The following DPYSL3 variants were observed in gnomAD, a reference collection of about 807,000 sequenced individuals.
DPYSL3 encodes dihydropyrimidinase like 3.
DPYSL3 carries 16 observed loss-of-function variants against 66.1 expected under a neutral mutation model. The ratio of observed to expected loss-of-function variants is 0.24; its 90% CI spans 0.16 to 0.37. The LOEUF is 0.37. Among genes scored for constraint, DPYSL3 ranks in the 10% least tolerant of loss-of-function variants. DPYSL3 has a pLI of 1.00. For missense variants in DPYSL3, 738 were observed against 916.2 expected (o/e 0.81, Z 2.51); for synonymous variants, 338 against 345.1 (o/e 0.98, Z 0.23).
intron 1 of DPYSL3, among the ~76,000 whole-genome samples, chr5:147,483,452 T>C (rs1753281116): frequency 6.6e-6 from 1 of 152,220 alleles, no homozygotes; most frequent in South Asian, 2.1e-4. Context: ...TTGACGTCCA[T>C]TCATTCACTA....
chr5:147,402,277 T>A (rs1758204479), intron 8 of DPYSL3, among the ~76,000 whole-genome samples: 1 of 152,134 alleles, frequency 6.6e-6, no homozygotes, highest in Admixed American at 6.5e-5. Context: ...GATGCTCCCA[T>A]TATAATGATA....
At position 147,509,453 on chromosome 5, in the gene DPYSL3, G is replaced by A. The variant is rs540923812; in HGVS notation, c.381+25C>T. ...CTGGAGAAAGGAACGAAGGCAAGGA[G>A]GGAAGTGACCCGGGGCCCCCTTACC... On this transcript the variant is annotated intron_variant, in intron 1 of 13. Coordinates refer to ENST00000343218, the MANE Select transcript of DPYSL3 (RefSeq NM_001197294.2). The surrounding 1 kb of genome is among the most constrained non-coding windows in gnomAD (Gnocchi z 5.3). 4 of 1,481,506 alleles carry A rather than the reference G, an allele frequency of 2.7e-6. No individual in the cohort carries two copies. In the South Asian group the frequency reaches 4.0e-5, roughly 15 times the overall value. The allele number at this position is 1,481,506 out of a possible 1,614,324, so 91.8% of individuals were successfully genotyped here.
rs77925481 is a variant in DPYSL3, at chr5:147,463,456, C to T, written c.382-38493G>A. ...CCCGGAAGGGGAAAGATTAAAAGAT[C>T]GAGGAAAAGAAAGTCGTGGGTAGAA... On this transcript the variant is annotated intron_variant, in intron 1 of 13. Coordinates refer to ENST00000343218, the MANE Select transcript of DPYSL3 (RefSeq NM_001197294.2). Among the ~76,000 whole-genome samples the T allele has an allele frequency of 2.6e-3, 389 of 152,104 alleles. 3 individuals are homozygous for T. The highest frequency in any genetic ancestry group is 9.1e-3 in the African/African-American group (376 of 41,472).
chr5:147,442,463 T>C (rs1170962540), intron 1 of DPYSL3, among the ~76,000 whole-genome samples: 1 of 152,166 alleles, frequency 6.6e-6, no homozygotes, highest in Non-Finnish European at 1.5e-5. Context: ...GACAAGAATA[T>C]AAGGCTAAGA....
At chr5:147,482,073 T>G (rs772180498) in intron 1 of DPYSL3, among the ~76,000 whole-genome samples, 20 of 152,138 alleles carry the variant, frequency 1.3e-4, no homozygotes, top group Non-Finnish European at 2.5e-4. Flanking sequence ...GATTGCTCAC[T>G]AAAAACATAA....
intron 1 of DPYSL3, among the ~76,000 whole-genome samples, chr5:147,489,907 G>A (rs145323051): frequency 4.6e-4 from 69 of 151,566 alleles, no homozygotes; most frequent in African/African-American, 1.5e-3. Flanking sequence ...ATATACTAGT[G>A]CACAACGTAG....
chr5:147,491,985 T>C (rs111689368), intron 1 of DPYSL3, among the ~76,000 whole-genome samples: 4,146 of 152,118 alleles, frequency 0.027, 69 homozygotes, highest in Non-Finnish European at 0.043. Context: ...AAAAAACCCT[T>C]ACACATAGAC....
chr5:147,495,979 T>C (rs1026167847), intron 1 of DPYSL3, among the ~76,000 whole-genome samples: 3 of 152,240 alleles, frequency 2.0e-5, no homozygotes, highest in Admixed American at 1.3e-4. Context: ...GGAGGCATCA[T>C]GCTACCTGAC....
intron 1 of DPYSL3, among the ~76,000 whole-genome samples, chr5:147,490,465 C>T (rs540151281): frequency 6.6e-6 from 1 of 152,012 alleles, no homozygotes; most frequent in Non-Finnish European, 1.5e-5. Flanking sequence ...AATAGAGTAC[C>T]AGATAGCCAT....
At chr5:147,481,152 A>C (rs549728586) in intron 1 of DPYSL3, among the ~76,000 whole-genome samples, 213 of 152,334 alleles carry the variant, frequency 1.4e-3, no homozygotes, top group African/African-American at 4.8e-3. Context: ...GGGATTAAAC[A>C]GTCCTTGGTT....
At position 147,467,828 on chromosome 5, in the gene DPYSL3, G is replaced by A. The variant is rs148503693; in HGVS notation, c.381+41650C>T. 8.0e-3 allele frequency among the ~76,000 whole-genome samples: 1,216 copies of A among 152,284 alleles called. 12 individuals carry two copies. The highest frequency in any genetic ancestry group is 0.028 in the African/African-American group (1,145 of 41,546). On this transcript the variant is annotated intron_variant, in intron 1 of 13. Transcript: ENST00000343218. ...AAATTTATTTCTCACAGTTCTGGAG[G>A]CTGAAAAGTCTGAGATTAAGGCATC...
intron 1 of DPYSL3, among the ~76,000 whole-genome samples, chr5:147,493,906 T>C (rs910587596): frequency 7.2e-5 from 11 of 152,130 alleles, no homozygotes; most frequent in Admixed American, 7.2e-4. Context: ...TTAAACAATA[T>C]AACTGGCCAG....
chr5:147,395,757 T>C (rs754820265), intron 12 of DPYSL3, 36 bp from the exon 13 acceptor site: 4 of 1,610,668 alleles, frequency 2.5e-6, no homozygotes, highest in Admixed American at 3.3e-5. Context: ...CATTCATTCA[T>C]TCAGCATTTT....
At position 147,409,688 on chromosome 5, in the gene DPYSL3, TTCA is replaced by T. The variant is rs529562013; in HGVS notation, c.964-895_964-893del. Among the ~76,000 whole-genome samples, 1,341 of 152,310 alleles carry T rather than the reference TTCA, an allele frequency of 8.8e-3. 16 individuals are homozygous for T. The highest frequency in any genetic ancestry group is 0.013 in the Non-Finnish European group (854 of 68,034). On this transcript the variant is annotated intron_variant, in intron 6 of 13. Coordinates refer to ENST00000343218, the MANE Select transcript of DPYSL3 (RefSeq NM_001197294.2). ...GGCAGAAATCCCAAGCCACCATTTCTTCAGCGTTACTGGCATTCACTCTGAAAT... is the reference window on the plus strand; with the variant it reads ...GGCAGAAATCCCAAGCCACCATTTCTGCGTTACTGGCATTCACTCTGAAAT...
Position 147,392,631 on chromosome 5 carries a change from C to CA in DPYSL3, c.*1403dup, listed in dbSNP as rs1270880963. The CA allele has an allele frequency of 6.6e-6, 1 of 152,212 alleles. No homozygotes were observed. The highest frequency in any genetic ancestry group is 1.5e-5 in the Non-Finnish European group (1 of 68,040). The allele number at this position is 152,212 out of a possible 1,614,324, so 9.4% of individuals were successfully genotyped here. A position where few individuals can be genotyped will look rare whatever the true frequency, so the allele number is the denominator to read the frequency against. On this transcript the variant is annotated 3_prime_UTR_variant, in exon 14 of 14. Transcript: ENST00000343218. ...TCCAAAACTGAATTTTCAGAAGCAGCATGATAGGGAAAGAGATATTCAACT... is the reference window on the plus strand; with the variant it reads ...TCCAAAACTGAATTTTCAGAAGCAGCAATGATAGGGAAAGAGATATTCAACT...
At chr5:147,415,618 T>A in intron 4 of DPYSL3, 91 bp downstream of exon 4, 1 of 1,500,734 alleles carries the variant, frequency 6.7e-7, no homozygotes, top group Non-Finnish European at 9.1e-7. Context: ...AGGCTCCAAG[T>A]AAAAGACAGT....
intron 1 of DPYSL3, among the ~76,000 whole-genome samples, chr5:147,431,908 C>A (rs1561785771): frequency 6.6e-6 from 1 of 152,172 alleles, no homozygotes; most frequent in African/African-American, 2.4e-5. Context: ...CCCACCCACG[C>A]TCCCTCCAGT....
At chr5:147,453,984 T>A in intron 1 of DPYSL3, 1 of 148,804 alleles carries the variant, frequency 6.7e-6, no homozygotes, top group Non-Finnish European at 1.4e-5. Flanking sequence ...TTTTTCTTTC[T>A]TTTTTTTTTT....
chr5:147,414,247 G>A (rs1176692002), intron 4 of DPYSL3, among the ~76,000 whole-genome samples: 1 of 152,168 alleles, frequency 6.6e-6, no homozygotes, highest in African/African-American at 2.4e-5. Flanking sequence ...TACTGTGCAG[G>A]GTGTTGGATC....
Sources: allele counts gnomAD v4.1 joint callset (sites outside exome capture counted in the v4.1 genomes callset), GRCh38; gene constraint gnomAD v4.1.1; non-coding constraint Gnocchi (gnomAD v3.1); transcripts MANE v1.5; gene names NCBI Gene and HGNC (gene_info 2026-07-23, HGNC 2026-07-21).